REPS2: variants seen among roughly 807,000 people sequenced by gnomAD.
REPS2 encodes the protein ralBP1-associated Eps domain-containing protein 2.
In REPS2, 23 loss-of-function variants were observed where a neutral mutation model predicts 53.6. That is an observed-to-expected ratio of 0.43 (90% CI 0.31 to 0.61). The LOEUF (loss-of-function observed/expected upper bound fraction) is 0.61. Ranked by LOEUF, REPS2 falls within the 20% of genes least tolerant of loss-of-function variation. The probability of loss-of-function intolerance (pLI) is 0.11; values close to 1 mark genes in which losing one functional copy is unlikely to be tolerated. For missense variants in REPS2, 446 were observed against 534.9 expected (o/e 0.83, Z 1.64); for synonymous variants, 238 against 218.6 (o/e 1.09, Z -0.78).
chrX:17,018,813 TA>T (rs748076864), intron 2 of REPS2, among the ~76,000 whole-genome samples: 9 of 107,114 alleles, frequency 8.4e-5, no homozygotes, highest in Non-Finnish European at 1.5e-4. Context: ...GAAATTGAGG[TA>T]TTTTTTTTTC....
At chrX:16,956,334 C>A (rs1043284052) in intron 1 of REPS2, among the ~76,000 whole-genome samples, 9 of 84,903 alleles carry the variant, frequency 1.1e-4, no homozygotes, top group Non-Finnish European at 2.0e-4. Flanking sequence ...CAGGGTCTTG[C>A]TCTGTCACCC....
the REPS2 span, among the ~76,000 whole-genome samples, chrX:17,191,788 G>A: frequency 8.9e-6 from 1 of 112,612 alleles, no homozygotes; most frequent in East Asian, 2.8e-4. Flanking sequence ...GCAACATACT[G>A]TGTGATTCCA....
Position 17,147,416 on chromosome X carries a change from G to A in REPS2, c.1918G>A (p.Val640Ile). The part of the protein sequence containing the change: ...NSELQQQLKE[V>I]HQERIALENQ... ...TCTTGTGTTTTGTACAACTCAGGAG[G>A]TTCATCAAGAACGAATTGCATTGGA... is the stretch of plus-strand genomic sequence containing the variant. The change falls in exon 18 of 18, where the codon GTT (valine) becomes ATT (isoleucine). Residue 640 changes from valine to isoleucine, a missense_variant. By Grantham distance (29) the Val-to-Ile change is conservative. Transcript: ENST00000357277. The A allele has an allele frequency of 8.3e-7, 1 of 1,205,562 alleles. No homozygotes were observed. The highest frequency in any genetic ancestry group is 1.1e-6 in the Non-Finnish European group (1 of 891,002).
chrX:17,154,028 T>C (rs972594012), downstream of REPS2, among the ~76,000 whole-genome samples: 2 of 111,636 alleles, frequency 1.8e-5, no homozygotes, highest in Non-Finnish European at 3.8e-5. Context: ...ATGCAAATTC[T>C]TGCCACCCCT....
At position 16,984,412 on chromosome X, in the gene REPS2, A is replaced by G. The variant is rs1055264590; in HGVS notation, c.274-21809A>G. Among the ~76,000 whole-genome samples, 3 of 112,135 alleles carry G rather than the reference A, an allele frequency of 2.7e-5. No homozygotes were observed. The East Asian group carries it at 8.4e-4, about 31-fold the overall frequency. On this transcript the variant is annotated intron_variant, in intron 1 of 17. Coordinates refer to ENST00000357277, the MANE Select transcript of REPS2 (RefSeq NM_004726.3). Reference sequence around the variant, plus strand: ...TGTGACCTAGCCTTAGAAGTCACAGATGATCACTTCTGCTCTTTTCTATTG... The same window carrying G: ...TGTGACCTAGCCTTAGAAGTCACAGGTGATCACTTCTGCTCTTTTCTATTG...
chrX:16,968,669 A>T (rs758570617), intron 1 of REPS2, among the ~76,000 whole-genome samples: 1 of 60,068 alleles, frequency 1.7e-5, no homozygotes, highest in African/African-American at 6.3e-5. Flanking sequence ...CCTCCCTCCC[A>T]GACGGGGCGG....
intron 13 of REPS2, among the ~76,000 whole-genome samples, chrX:17,097,000 A>G (rs1305123125): frequency 8.9e-6 from 1 of 112,189 alleles, no homozygotes; most frequent in Non-Finnish European, 1.9e-5. Context: ...CAGAAATTCC[A>G]GTGAAGCTCA....
In REPS2 at chrX:17,012,960, C is replaced by T. The variant is rs1439427615; in HGVS notation, c.397+6616C>T. On this transcript the variant is annotated intron_variant, in intron 2 of 17. Coordinates refer to ENST00000357277, the MANE Select transcript of REPS2 (RefSeq NM_004726.3). Reference sequence around the variant, plus strand: ...AATTTGTGAGCCACTGTTGTGGTCACGATTCTACTGCCAAGAAGATACTGA... The same window carrying T: ...AATTTGTGAGCCACTGTTGTGGTCATGATTCTACTGCCAAGAAGATACTGA... 5.3e-5 allele frequency among the ~76,000 whole-genome samples: 6 copies of T among 112,240 alleles called. No homozygotes were observed. The East Asian group carries it at 1.4e-3, about 26-fold the overall frequency.
intron 1 of REPS2, among the ~76,000 whole-genome samples, chrX:16,993,167 G>A (rs2061183826): frequency 8.9e-6 from 1 of 112,163 alleles, no homozygotes; most frequent in South Asian, 3.7e-4. Flanking sequence ...TGTATCAGTG[G>A]CTGGAGTTGG....
chrX:16,995,127 G>T (rs192092991), intron 1 of REPS2, among the ~76,000 whole-genome samples: 1 of 112,358 alleles, frequency 8.9e-6, no homozygotes, highest in Non-Finnish European at 1.9e-5. Flanking sequence ...TTCTGAGATT[G>T]TCCCCCTTAC....
chrX:17,105,399 A>G (rs1292934546), intron 14 of REPS2, among the ~76,000 whole-genome samples: 1 of 112,190 alleles, frequency 8.9e-6, no homozygotes, highest in Non-Finnish European at 1.9e-5. Flanking sequence ...GTCTGAATTG[A>G]CTTTTGTAAC....
intron 1 of REPS2, among the ~76,000 whole-genome samples, chrX:16,971,810 G>C (rs2060898925): frequency 8.9e-6 from 1 of 112,165 alleles, no homozygotes; most frequent in African/African-American, 3.2e-5. Context: ...TGGAACCCTT[G>C]TGCAAAACCA....
chrX:17,028,174 C>T (rs1190636812), intron 4 of REPS2, among the ~76,000 whole-genome samples: 1 of 111,473 alleles, frequency 9.0e-6, no homozygotes, highest in African/African-American at 3.3e-5. Flanking sequence ...ATGTGTCTCC[C>T]CTGGAAGTAG....
chrX:17,071,608 C>T (rs771077336), intron 11 of REPS2, among the ~76,000 whole-genome samples: 21 of 111,632 alleles, frequency 1.9e-4, no homozygotes, highest in African/African-American at 6.5e-4. Context: ...GGGAGTTCCT[C>T]ATCTTAAACA....
chrX:17,012,311 G>T (rs999037257), intron 2 of REPS2, among the ~76,000 whole-genome samples: 1 of 110,232 alleles, frequency 9.1e-6, no homozygotes, highest in African/African-American at 3.3e-5. Context: ...CCCGGGAGGC[G>T]GAGGTTGCAG....
At chrX:17,081,814 C>CA (rs1277099159) in intron 13 of REPS2, among the ~76,000 whole-genome samples, 4 of 111,922 alleles carry the variant, frequency 3.6e-5, no homozygotes, top group African/African-American at 9.7e-5. Flanking sequence ...TGAGAGATAG[C>CA]AAAAATGTGC....
At chrX:17,191,896 AAAGGGGGCACCTC>A in the REPS2 span, among the ~76,000 whole-genome samples, 1 of 112,075 alleles carries the variant, frequency 8.9e-6, no homozygotes, top group Non-Finnish European at 1.9e-5. Context: ...AGTTGATTAC[AAAGGGGGCACCTC>A]AAGGGAATTT....
In REPS2 at chrX:17,087,239, A is replaced by G. The variant is rs1031334228; in HGVS notation, c.1516+9832A>G. ...AGGATTAATTTTCTGCAGCACACCTATGATCACTTCCCTACTCAAAACTCT... is the reference window on the plus strand; with the variant it reads ...AGGATTAATTTTCTGCAGCACACCTGTGATCACTTCCCTACTCAAAACTCT... On this transcript the variant is annotated intron_variant, in intron 13 of 17. Coordinates refer to ENST00000357277, the MANE Select transcript of REPS2 (RefSeq NM_004726.3). Among the ~76,000 whole-genome samples, 4 of 112,165 alleles carry G rather than the reference A, an allele frequency of 3.6e-5. No homozygotes were observed. The South Asian group carries it at 1.1e-3, about 31-fold the overall frequency.
At chrX:17,074,013 T>C in intron 11 of REPS2, 101 bp from the exon 12 acceptor site, 1 of 641,065 alleles carries the variant, frequency 1.6e-6, no homozygotes, top group Non-Finnish European at 2.4e-6. Context: ...TGGGCACTTT[T>C]ACCTCACATT....
Sources: allele counts gnomAD v4.1 joint callset (sites outside exome capture counted in the v4.1 genomes callset), GRCh38; gene constraint gnomAD v4.1.1; transcripts MANE v1.5; gene names NCBI Gene and HGNC (gene_info 2026-07-23, HGNC 2026-07-21).